RBFOX1: variants seen among roughly 807,000 people sequenced by gnomAD.
RBFOX1 encodes RNA binding protein fox-1 homolog 1.
RBFOX1 carries 8 observed loss-of-function variants against 57.7 expected under a neutral mutation model. That is an observed-to-expected ratio of 0.14 (90% CI 0.08 to 0.25). The LOEUF is 0.25. Among genes scored for constraint, RBFOX1 ranks in the 10% least tolerant of loss-of-function variants. RBFOX1 has a pLI of 1.00. For synonymous variants in RBFOX1, 326 were observed against 222.4 expected (o/e 1.47, Z -4.15); for missense variants, 611 against 548.5 (o/e 1.11, Z -1.14).
intron 3 of RBFOX1, among the ~76,000 whole-genome samples, chr16:6,977,841 A>G (rs535127113): frequency 1.3e-5 from 2 of 150,616 alleles, no homozygotes; most frequent in African/African-American, 2.5e-5. Flanking sequence ...GTATCTTGAA[A>G]AGCTGCTTCC....
chr16:6,518,797 GTCTA>G (rs58687392), intron 2 of RBFOX1, among the ~76,000 whole-genome samples: 8,201 of 103,732 alleles, frequency 0.079, 302 homozygotes, highest in African/African-American at 0.13. Context: ...CTGTGTGTCT[GTCTA>G]TCTATCTATC....
chr16:6,512,691 G>C (rs991956380), intron 2 of RBFOX1, among the ~76,000 whole-genome samples: 4 of 152,130 alleles, frequency 2.6e-5, no homozygotes, highest in African/African-American at 9.7e-5. Flanking sequence ...CATGCTATGA[G>C]GACCCTTGCT....
rs147394328 is a variant in RBFOX1 at position 6,097,683 on chromosome 16, C to T, written c.-127+77691C>T. On this transcript the variant is annotated intron_variant, in intron 1 of 15. Transcript: ENST00000550418. This position sits in a 1 kb window ranked among gnomAD's most constrained non-coding sequence, Gnocchi z 5.0. Reference sequence around the variant, plus strand: ...TAAGTGTCTAAGCTAGGATTTGACCCTAGGGCTTGTGAATCTGGAGCCCAT... The same window carrying T: ...TAAGTGTCTAAGCTAGGATTTGACCTTAGGGCTTGTGAATCTGGAGCCCAT... Among the ~76,000 whole-genome samples the T allele has an allele frequency of 1.3e-5, 2 of 151,932 alleles. No homozygotes were observed. Among genetic ancestry groups the T allele is most frequent in the African/African-American group, 4.8e-5 (2 of 41,442 alleles).
At chr16:7,040,145 C>G (rs868669583) in intron 3 of RBFOX1, among the ~76,000 whole-genome samples, 1 of 151,900 alleles carries the variant, frequency 6.6e-6, no homozygotes, top group Non-Finnish European at 1.5e-5. Flanking sequence ...CTCAGCCTCC[C>G]GAGTAGCTGG....
chr16:5,349,161 C>A (rs1219966419), intron 1 of RBFOX1, among the ~76,000 whole-genome samples: 2 of 152,150 alleles, frequency 1.3e-5, no homozygotes, highest in Admixed American at 6.5e-5. Flanking sequence ...ACCTGAAGGA[C>A]ATTATGCTAA....
chr16:6,875,174 A>G (rs1451615507), intron 3 of RBFOX1, among the ~76,000 whole-genome samples: 1 of 152,198 alleles, frequency 6.6e-6, no homozygotes, highest in Admixed American at 6.5e-5. Context: ...TGTGCACATA[A>G]TCATCTTCTT....
intron 3 of RBFOX1, among the ~76,000 whole-genome samples, chr16:6,965,072 G>A (rs1331837271): frequency 6.6e-6 from 1 of 152,074 alleles, no homozygotes; most frequent in African/African-American, 2.4e-5. Context: ...GGGGGTGGCA[G>A]TGTTATGTAG....
intron 4 of RBFOX1, among the ~76,000 whole-genome samples, chr16:7,259,100 C>T (rs957559483): frequency 6.6e-6 from 1 of 152,150 alleles, no homozygotes; most frequent in African/African-American, 2.4e-5. Flanking sequence ...CCATGAGAAG[C>T]AATTTAACCT....
rs143486659 is a variant in RBFOX1 at position 7,229,174 on chromosome 16, C to G, written c.27+177076C>G. Among the ~76,000 whole-genome samples, 898 of 152,322 alleles carry G rather than the reference C, an allele frequency of 5.9e-3. 13 individuals are homozygous for G. The highest frequency in any genetic ancestry group is 0.02 in the African/African-American group (844 of 41,580). Reference sequence around the variant, plus strand: ...TAAAAAGGAAAATCCGCAGATATTTCTTTCATGCTTCAGAAAGCGTCGGCC... The same window carrying G: ...TAAAAAGGAAAATCCGCAGATATTTGTTTCATGCTTCAGAAAGCGTCGGCC... On this transcript the variant is annotated intron_variant, in intron 4 of 15. Transcript: ENST00000550418.
chr16:7,617,761 G>A (rs552702089), intron 10 of RBFOX1, among the ~76,000 whole-genome samples: 1 of 152,156 alleles, frequency 6.6e-6, no homozygotes, highest in African/African-American at 2.4e-5. Flanking sequence ...AGTCAACAGG[G>A]TAGTAGAAGG....
chr16:6,900,742 A>ACGT (rs2068267184), intron 3 of RBFOX1, among the ~76,000 whole-genome samples: 2 of 152,082 alleles, frequency 1.3e-5, no homozygotes, highest in Non-Finnish European at 2.9e-5. Flanking sequence ...TTTCGTCTAA[A>ACGT]CTGGGATCTT....
At chr16:7,125,026 G>T (rs1026653830) in intron 4 of RBFOX1, among the ~76,000 whole-genome samples, 5 of 152,272 alleles carry the variant, frequency 3.3e-5, no homozygotes, top group East Asian at 1.9e-4. Flanking sequence ...GAAGGAGGGG[G>T]CCGGCTTATT....
At chr16:7,604,070 T>G (rs2095177094) in intron 9 of RBFOX1, among the ~76,000 whole-genome samples, 1 of 152,164 alleles carries the variant, frequency 6.6e-6, no homozygotes, top group African/African-American at 2.4e-5. Context: ...CAGGATTTTC[T>G]AATGGATCAC....
chr16:6,619,248 T>A (rs1046900604), intron 2 of RBFOX1, among the ~76,000 whole-genome samples: 2 of 152,212 alleles, frequency 1.3e-5, no homozygotes, highest in Non-Finnish European at 2.9e-5. Flanking sequence ...ACACTGTTGT[T>A]GCCAAACAAC....
chr16:6,923,674 A>G (rs1597346286), intron 3 of RBFOX1, among the ~76,000 whole-genome samples: 1 of 152,060 alleles, frequency 6.6e-6, no homozygotes, highest in African/African-American at 2.4e-5. Flanking sequence ...CACACCCTTT[A>G]CTCTTTACCC....
intron 4 of RBFOX1, among the ~76,000 whole-genome samples, chr16:7,095,248 T>C (rs2151212955): frequency 6.6e-6 from 1 of 152,298 alleles, no homozygotes; most frequent in East Asian, 1.9e-4. Flanking sequence ...ACGATTCTCC[T>C]GCCTCAGCCT....
At chr16:6,949,681 T>A (rs902136086) in intron 3 of RBFOX1, among the ~76,000 whole-genome samples, 5 of 152,302 alleles carry the variant, frequency 3.3e-5, no homozygotes, top group African/African-American at 1.2e-4. Context: ...TCCTTTGACC[T>A]TAATTACCTC....
rs866200586 is a variant in RBFOX1 at position 6,089,082 on chromosome 16, T to A, written c.-127+69090T>A. On this transcript the variant is annotated intron_variant, in intron 1 of 15. Coordinates refer to ENST00000550418, the MANE Select transcript of RBFOX1 (RefSeq NM_018723.4). ...CTCTGTCTCAAAAAAAAAAAAAATA[T>A]ATATATATATATATGATCCTAAAAA... Among the ~76,000 whole-genome samples the A allele has an allele frequency of 7.9e-4, 116 of 146,694 alleles. 1 individual carries two copies. The highest frequency in any genetic ancestry group is 3.5e-3 in the Middle Eastern group (1 of 282).
At chr16:6,087,853 A>G (rs925821850) in intron 1 of RBFOX1, among the ~76,000 whole-genome samples, 1 of 151,986 alleles carries the variant, frequency 6.6e-6, no homozygotes, top group South Asian at 2.1e-4. Flanking sequence ...GGGTTTCCCC[A>G]TGGTGGCCAG....
Sources: gnomAD v4.1 joint callset for allele counts (sites outside exome capture counted in the v4.1 genomes callset) on GRCh38, gnomAD v4.1.1 for gene constraint, Gnocchi (gnomAD v3.1) non-coding constraint, MANE v1.5 for transcripts, NCBI Gene and HGNC (gene_info 2026-07-23, HGNC 2026-07-21) for gene names.